Variants in ACOT12 observed in about 807,000 individuals in gnomAD.
ACOT12 encodes the protein acyl-CoA thioesterase 12, also known as acetyl-coenzyme A thioesterase.
ACOT12 carries 51 observed loss-of-function variants against 67.7 expected under a neutral mutation model. The observed-to-expected ratio is 0.75, with a 90% CI of 0.60 to 0.95. The LOEUF (loss-of-function observed/expected upper bound fraction) is 0.95. ACOT12 is among the 40% of genes least tolerant of loss of function. The pLI, the probability that ACOT12 is intolerant of heterozygous loss-of-function variation, is 0.00. For synonymous variants in ACOT12, 251 were observed against 244.6 expected, an observed-to-expected ratio of 1.03 and a Z score of -0.24; for missense variants, 734 against 708.1, an observed-to-expected ratio of 1.04 and a Z score of -0.41.
intron 6 of ACOT12, among the ~76,000 whole-genome samples, chr5:81,346,903 A>G (rs147126955): frequency 0.016 from 2,499 of 152,342 alleles, 75 homozygotes; most frequent in African/African-American, 0.057. Flanking sequence ...ATTCAAATGC[A>G]TTTACAGGGT....
intron 2 of ACOT12, among the ~76,000 whole-genome samples, chr5:81,372,111 C>T (rs1454709920): frequency 1.3e-5 from 2 of 152,180 alleles, no homozygotes; most frequent in East Asian, 3.8e-4. Context: ...TATACAGCAG[C>T]TGTTTCCCCA....
intron 5 of ACOT12, among the ~76,000 whole-genome samples, chr5:81,358,427 G>GTTCTCTTGA (rs549354894): frequency 5.6e-4 from 86 of 152,284 alleles, no homozygotes; most frequent in Non-Finnish European, 8.4e-4. Flanking sequence ...GGTTCTCTTG[G>GTTCTCTTGA]TTCAGCTATT....
intron 4 of ACOT12, among the ~76,000 whole-genome samples, chr5:81,362,572 A>G (rs564568874): frequency 6.6e-6 from 1 of 152,290 alleles, no homozygotes; most frequent in African/African-American, 2.4e-5. Context: ...AAGGAATGGG[A>G]TTGCAAGGTG....
chr5:81,347,695 C>A, intron 6 of ACOT12, 79 bp downstream of exon 6: 1 of 1,491,504 alleles, frequency 6.7e-7, no homozygotes, highest in Non-Finnish European at 9.1e-7. Flanking sequence ...CTTGACTATC[C>A]CAAGAACTGG....
chr5:81,351,823 C>T (rs1174546661), intron 5 of ACOT12, among the ~76,000 whole-genome samples: 1 of 152,098 alleles, frequency 6.6e-6, no homozygotes, highest in Non-Finnish European at 1.5e-5. Context: ...AGACAACCCA[C>T]AGAATGGGAG....
chr5:81,354,981 C>T lies in ACOT12; in HGVS notation c.496+4922G>A, dbSNP rs927376915. Among the ~76,000 whole-genome samples the T allele has an allele frequency of 3.5e-4, 54 of 152,174 alleles. 1 individual carries two copies. Among genetic ancestry groups the T allele is most frequent in the African/African-American group, 1.3e-3 (53 of 41,452 alleles). On this transcript the variant is annotated intron_variant, in intron 5 of 14. Coordinates refer to ENST00000307624, the MANE Select transcript of ACOT12 (RefSeq NM_130767.3). ...TGCTGAGATTATAGGCATAAGCCAC[C>T]GCCAGGCCTCATCAATCATCTTGAT...
intron 11 of ACOT12, among the ~76,000 whole-genome samples, chr5:81,336,643 G>A (rs1759012621): frequency 6.6e-6 from 1 of 152,118 alleles, no homozygotes; most frequent in Non-Finnish European, 1.5e-5. Context: ...TCAGAGATGT[G>A]TGTTCAGCTA....
At chr5:81,386,467 T>C (rs1760727011) in intron 1 of ACOT12, among the ~76,000 whole-genome samples, 1 of 152,206 alleles carries the variant, frequency 6.6e-6, no homozygotes. Context: ...CTTAGTTATT[T>C]CCATGTTCTA....
chr5:81,324,513 G>C, the ACOT12 span, among the ~76,000 whole-genome samples: 1 of 152,144 alleles, frequency 6.6e-6, no homozygotes, highest in Non-Finnish European at 1.5e-5. Flanking sequence ...ATTAAGCCTA[G>C]AGACATAGAT....
intron 2 of ACOT12, among the ~76,000 whole-genome samples, chr5:81,384,100 T>C (rs565596071): frequency 1.3e-5 from 2 of 149,484 alleles, no homozygotes; most frequent in Non-Finnish European, 1.5e-5. Flanking sequence ...CATGGTTAAG[T>C]GCCCTACATA....
the ACOT12 span, among the ~76,000 whole-genome samples, chr5:81,316,261 A>G: frequency 2.0e-5 from 3 of 152,328 alleles, no homozygotes; most frequent in East Asian, 5.8e-4. Flanking sequence ...ATTCCAGGAC[A>G]TGTTATCACC....
chr5:81,311,537 T>C, the ACOT12 span, among the ~76,000 whole-genome samples: 1 of 152,160 alleles, frequency 6.6e-6, no homozygotes, highest in Non-Finnish European at 1.5e-5. Flanking sequence ...GCATTTATAT[T>C]TGCTAACTAA....
intron 2 of ACOT12, among the ~76,000 whole-genome samples, chr5:81,384,957 T>C (rs1428372806): frequency 6.6e-6 from 1 of 152,188 alleles, no homozygotes; most frequent in African/African-American, 2.4e-5. Flanking sequence ...TAAATATGTA[T>C]GTTTGAAATG....
In ACOT12 at chr5:81,335,886, G is replaced by C; in HGVS notation, c.1144C>G (p.Leu382Val). Reference sequence around the variant, plus strand: ...ACAGATAAAACATCATGCTCTTCCAGAGTATATATTTTTATCTAAAAGACA... The same window carrying C: ...ACAGATAAAACATCATGCTCTTCCACAGTATATATTTTTATCTAAAAGACA... ...STVEKIKIYTLEEHDVLSVWV... is the reference protein window; with the variant it reads ...STVEKIKIYTVEEHDVLSVWV... Residue 382 changes from leucine to valine, a missense_variant, in exon 12 of 15, where the codon CTG becomes GTG. Coordinates refer to ENST00000307624, the MANE Select transcript of ACOT12 (RefSeq NM_130767.3). 2 of 1,609,494 alleles carry C rather than the reference G, an allele frequency of 1.2e-6. No individual in the cohort carries two copies. Among genetic ancestry groups the C allele is most frequent in the Non-Finnish European group, 1.7e-6 (2 of 1,178,830 alleles).
chr5:81,314,510 A>C, the ACOT12 span, among the ~76,000 whole-genome samples: 1 of 152,196 alleles, frequency 6.6e-6, no homozygotes, highest in Non-Finnish European at 1.5e-5. Flanking sequence ...CACTAAAAGG[A>C]ATGCACCAGA....
downstream of ACOT12, among the ~76,000 whole-genome samples, chr5:81,325,069 G>A (rs1053294833): frequency 2.0e-5 from 3 of 152,302 alleles, no homozygotes; most frequent in Admixed American, 2.0e-4. Context: ...AGAAAAAAGA[G>A]AACTGATGGA....
intron 10 of ACOT12, among the ~76,000 whole-genome samples, chr5:81,343,038 C>T (rs766370713): frequency 2.6e-5 from 4 of 151,944 alleles, no homozygotes; most frequent in South Asian, 2.1e-4. Flanking sequence ...AAAAATTAGC[C>T]GGGTGTTGTA....
chr5:81,336,154 T>C (rs1225682809), intron 11 of ACOT12, among the ~76,000 whole-genome samples: 1 of 145,522 alleles, frequency 6.9e-6, no homozygotes, highest in East Asian at 1.9e-4. Flanking sequence ...GCACAACAGT[T>C]TTTTTTTTTC....
intron 4 of ACOT12, 114 bp from the exon 5 acceptor site, chr5:81,360,152 C>T: frequency 9.5e-7 from 1 of 1,048,390 alleles, no homozygotes; most frequent in Non-Finnish European, 1.3e-6. Context: ...GTAAATAGAG[C>T]TTTTATGAGT....
Sources: allele counts gnomAD v4.1 joint callset (sites outside exome capture counted in the v4.1 genomes callset), GRCh38; gene constraint gnomAD v4.1.1; transcripts MANE v1.5; gene names NCBI Gene and HGNC (gene_info 2026-07-23, HGNC 2026-07-21).